The following ZNF738 variants were observed in gnomAD, a reference collection of about 807,000 sequenced individuals.
ZNF738 encodes the protein zinc finger protein 738, also known as protein ZNF738.
In ZNF738, 10 loss-of-function variants were observed where a neutral mutation model predicts 9.2. That is an observed-to-expected ratio of 1.09 (90% CI 0.67 to 1.85). The LOEUF (loss-of-function observed/expected upper bound fraction) is 1.85. Ranked by LOEUF, ZNF738 falls within the 40% of genes most tolerant of loss-of-function variation. The probability of loss-of-function intolerance (pLI) is 0.00; values close to 1 mark genes in which losing one functional copy is unlikely to be tolerated. For synonymous variants in ZNF738, 113 were observed against 94.5 expected (o/e 1.20, Z -1.14); for missense variants, 346 against 283.6 (o/e 1.22, Z -1.58).
At chr19:21,380,912 C>T (rs1416582306) in intron 4 of ZNF738, among the ~76,000 whole-genome samples, 1 of 152,092 alleles carries the variant, frequency 6.6e-6, no homozygotes, top group Non-Finnish European at 1.5e-5. Flanking sequence ...AAGGAGGGCA[C>T]ACTGTTCAGG....
intron 4 of ZNF738, chr19:21,377,342 C>A: frequency 1.6e-6 from 1 of 622,702 alleles, no homozygotes; most frequent in Non-Finnish European, 2.9e-6. Context: ...GCCTTCAGTT[C>A]CTCTCTTCAC....
chr19:21,381,949 C>T, intron 4 of ZNF738: 1 of 222,814 alleles, frequency 4.5e-6, no homozygotes. Context: ...CCCAGTGCCT[C>T]AGGCCAGAGC....
At chr19:21,361,708 G>T in intron 1 of ZNF738, 58 bp from the exon 2 acceptor site, 1 of 771,684 alleles carries the variant, frequency 1.3e-6, no homozygotes, top group Non-Finnish European at 2.4e-6. Context: ...TATCTGCCAT[G>T]GTTATGTCAG....
chr19:21,360,965 C>T (rs903982083), intron 1 of ZNF738, among the ~76,000 whole-genome samples: 1 of 151,860 alleles, frequency 6.6e-6, no homozygotes, highest in African/African-American at 2.4e-5. Context: ...CAGGCATGCA[C>T]CACCACGCCC....
Position 21,383,066 on chromosome 19 carries a change from A to T in ZNF738, c.520A>T (p.Lys174Ter). The change falls in exon 5 of 5, where the codon AAA (lysine) becomes TAA (stop). Residue 174 changes from lysine (K) to a stop codon, truncating the protein, a stop_gained. Transcript: ENST00000683779. LOFTEE classifies it low-confidence loss of function (END_TRUNC). ...LKEYLTTTQS[K>*]IFQCDKYVKV... Reference sequence around the variant, plus strand: ...AGAGTATTTGACAACTACCCAGAGCAAAATATTTCAATGTGATAAATATGT... The same window carrying T: ...AGAGTATTTGACAACTACCCAGAGCTAAATATTTCAATGTGATAAATATGT... 1 of 1,254,492 alleles carries T rather than the reference A, an allele frequency of 8.0e-7. No homozygotes were observed. Among genetic ancestry groups the T allele is most frequent in the South Asian group, 1.2e-5 (1 of 83,172 alleles). The allele number at this position is 1,254,492 out of a possible 1,614,324, so 77.7% of individuals were successfully genotyped here.
chr19:21,368,438 G>T (rs2968029), intron 2 of ZNF738, among the ~76,000 whole-genome samples: 5,581 of 151,974 alleles, frequency 0.037, 336 homozygotes, highest in African/African-American at 0.12. Flanking sequence ...TTGTTTGTTT[G>T]CTTGTTTTTT....
chr19:21,378,239 A>C (rs963227494), intron 4 of ZNF738: 6 of 339,550 alleles, frequency 1.8e-5, no homozygotes, highest in African/African-American at 1.3e-4. Context: ...AATAATTAAA[A>C]ATTTCTTCTG....
intron 2 of ZNF738, among the ~76,000 whole-genome samples, chr19:21,367,802 C>G (rs1376366683): frequency 6.6e-6 from 1 of 152,218 alleles, no homozygotes; most frequent in Non-Finnish European, 1.5e-5. Context: ...GATGTGTCCA[C>G]ACTCCTCCCA....
At position 21,384,433 on chromosome 19, in the gene ZNF738, G is replaced by C. The variant is rs1270697873; in HGVS notation, c.*759G>C. On this transcript the variant is annotated 3_prime_UTR_variant, in exon 5 of 5. Transcript: ENST00000683779. ...AAACCCTACAAATGTTTAGAATGTG[G>C]CAAAGATTTCTACCAATTCTCATAC... 6.6e-6 allele frequency among the ~76,000 whole-genome samples: 1 copy of C among 152,054 alleles called. No homozygotes were observed. The highest frequency in any genetic ancestry group is 1.5e-5 in the Non-Finnish European group (1 of 68,026).
intron 4 of ZNF738, chr19:21,381,199 A>G (rs2937174): frequency 0.95 from 1,362,174 of 1,431,088 alleles, 650,603 homozygotes; most frequent in Non-Finnish European, 0.97. Flanking sequence ...TGGAACCTAC[A>G]GCCAGAAGAG....
rs553536593 is a variant in ZNF738 at position 21,359,719 on chromosome 19, T to C, written c.3+576T>C. Among the ~76,000 whole-genome samples the C allele has an allele frequency of 4.4e-3, 670 of 151,980 alleles. 11 individuals carry two copies. Among genetic ancestry groups the C allele is most frequent in the African/African-American group, 0.016 (645 of 41,460 alleles). ...GGTGAAACCCCGTCTCTACTAAAAA[T>C]ACAAAAAATGAGCCGGGCGTGGTGG... On this transcript the variant is annotated intron_variant, in intron 1 of 4. Transcript: ENST00000683779.
At chr19:21,381,417 C>T (rs1599720117) in intron 4 of ZNF738, 6 of 1,510,034 alleles carry the variant, frequency 4.0e-6, no homozygotes, top group Non-Finnish European at 5.5e-6. Flanking sequence ...TTTGTATATT[C>T]TAGAGTATAA....
chr19:21,359,041 C>T lies in ZNF738; in HGVS notation c.-100C>T, dbSNP rs1973644991. The T allele has an allele frequency of 3.7e-6, 3 of 814,906 alleles. No individual in the cohort carries two copies. The highest frequency in any genetic ancestry group is 3.4e-5 in the African/African-American group (2 of 59,494). The allele number at this position is 814,906 out of a possible 1,614,324, so 50.5% of individuals were successfully genotyped here. On this transcript the variant is annotated 5_prime_UTR_variant, in exon 1 of 5. Transcript: ENST00000683779. ...GGAACTCCGGGTCTCGTCTTCACTG[C>T]TCTGTGTCCTCTGCTCCTAGAGGCC...
rs1272738537 is a variant in ZNF738 at position 21,384,710 on chromosome 19, T to C, written c.*1036T>C. On this transcript the variant is annotated 3_prime_UTR_variant, in exon 5 of 5. Coordinates refer to ENST00000683779, the MANE Select transcript of ZNF738 (RefSeq NM_001355237.2). Reference sequence around the variant, plus strand: ...GAAAAGCTTTTAACCAGTCCTCAACTCTTACTAGACATAAGAGAGTTCATA... The same window carrying C: ...GAAAAGCTTTTAACCAGTCCTCAACCCTTACTAGACATAAGAGAGTTCATA... Among the ~76,000 whole-genome samples the C allele has an allele frequency of 2.7e-5, 2 of 73,954 alleles. No homozygotes were observed. The highest frequency in any genetic ancestry group is 3.0e-5 in the Non-Finnish European group (1 of 33,740). The allele number at this position is 73,954 out of a possible 152,430, so 48.5% of individuals were successfully genotyped here.
intron 2 of ZNF738, among the ~76,000 whole-genome samples, chr19:21,369,277 CTTTT>C (rs1568367839): frequency 6.6e-6 from 1 of 151,668 alleles, no homozygotes; most frequent in Admixed American, 6.6e-5. Context: ...CCTAATTTTT[CTTTT>C]TTTATTTTTT....
chr19:21,382,867 T>G lies in ZNF738; in HGVS notation c.321T>G (p.Val107=), dbSNP rs140942264. ...ACTTGATATTTTTATTTCTTTCAGT[T>G]ACATATTCTCATTTTGCCCAGGACC... The part of the protein sequence containing the change: ...KRHSMVATPP[V]TYSHFAQDLW... Residue 107 remains valine (V), a splice_region_variant and synonymous_variant, in exon 5 of 5, where the codon GTT becomes GTG. Coordinates refer to ENST00000683779, the MANE Select transcript of ZNF738 (RefSeq NM_001355237.2). 1.5e-4 allele frequency: 68 copies of G among 449,220 alleles called. No individual in the cohort carries two copies. The highest frequency in any genetic ancestry group is 2.7e-4 in the Non-Finnish European group (62 of 233,058). The allele number at this position is 449,220 out of a possible 1,614,324, so 27.8% of individuals were successfully genotyped here.
At position 21,388,348 on chromosome 19, in the gene ZNF738, TAGGTGGGCATTTATGATCTTTTCTA is replaced by T. The variant is rs1265694310; in HGVS notation, c.*4675_*4699del. Among the ~76,000 whole-genome samples the T allele has an allele frequency of 3.3e-5, 5 of 152,256 alleles. No individual in the cohort carries two copies. The highest frequency in any genetic ancestry group is 1.2e-4 in the African/African-American group (5 of 41,576). On this transcript the variant is annotated 3_prime_UTR_variant, in exon 5 of 5. Coordinates refer to ENST00000683779, the MANE Select transcript of ZNF738 (RefSeq NM_001355237.2). ...AAAGGTATGAGAGATTCTTTTCCAT[TAGGTGGGCATTTATGATCTTTTCTA>T]TGGACAAGTAAGGACATTAGAATGT... is the stretch of plus-strand genomic sequence containing the variant.
At chr19:21,376,405 T>TA (rs1323933725) in intron 4 of ZNF738, 1 of 152,968 alleles carries the variant, frequency 6.5e-6, no homozygotes, top group Non-Finnish European at 1.5e-5. Context: ...TATTGGTTTT[T>TA]ATGTTAATTT....
chr19:21,371,091 G>A (rs1347694452), intron 2 of ZNF738, among the ~76,000 whole-genome samples: 3 of 152,306 alleles, frequency 2.0e-5, no homozygotes, highest in African/African-American at 7.2e-5. Flanking sequence ...AGGCCACAAA[G>A]TATCCAGAGC....
Sources: allele counts gnomAD v4.1 joint callset (sites outside exome capture counted in the v4.1 genomes callset), GRCh38; gene constraint gnomAD v4.1.1; transcripts MANE v1.5; gene names NCBI Gene and HGNC (gene_info 2026-07-23, HGNC 2026-07-21).